Variants in CAMK4 observed in about 807,000 individuals in gnomAD.
The protein encoded by CAMK4 is calcium/calmodulin dependent protein kinase IV, also known as calcium/calmodulin-dependent protein kinase type IV.
A neutral mutation model predicts 44.9 loss-of-function variants in CAMK4; 22 were observed. That is an observed-to-expected ratio of 0.49 (90% CI 0.35 to 0.70). The LOEUF (loss-of-function observed/expected upper bound fraction) is 0.70. CAMK4 is among the 30% of genes least tolerant of loss of function. The pLI is 0.01. For missense variants in CAMK4, 498 were observed against 586.8 expected, an observed-to-expected ratio of 0.85 and a Z score of 1.56; for synonymous variants, 218 against 215.4, an observed-to-expected ratio of 1.01 and a Z score of -0.11.
chr5:111,382,064 T>C (rs1751436422), intron 4 of CAMK4, among the ~76,000 whole-genome samples: 1 of 152,146 alleles, frequency 6.6e-6, no homozygotes, highest in Non-Finnish European at 1.5e-5. Flanking sequence ...AGAAAATAAA[T>C]ATCTGTTTAT....
chr5:111,490,043 A>G lies in CAMK4; in HGVS notation c.*5577A>G, dbSNP rs1321734672. On this transcript the variant is annotated 3_prime_UTR_variant, in exon 11 of 11. Coordinates refer to ENST00000282356, the MANE Select transcript of CAMK4 (RefSeq NM_001744.6). ...CATTTTGAAGATTGACCTGGAAAAC[A>G]TATAGATACAGAATATATACATTTA... The G allele has an allele frequency of 6.6e-6, 1 of 152,262 alleles. No individual in the cohort carries two copies. Among genetic ancestry groups the G allele is most frequent in the Non-Finnish European group, 1.5e-5 (1 of 68,042 alleles). The allele number at this position is 152,262 out of a possible 1,614,324, so 9.4% of individuals were successfully genotyped here.
chr5:111,299,390 AT>A (rs1747626181), intron 1 of CAMK4, among the ~76,000 whole-genome samples: 1 of 152,164 alleles, frequency 6.6e-6, no homozygotes, highest in Non-Finnish European at 1.5e-5. Context: ...ACTCTCTGTG[AT>A]TCCTCGAGTG....
chr5:111,256,799 G>A (rs1749763238), intron 1 of CAMK4, among the ~76,000 whole-genome samples: 1 of 152,040 alleles, frequency 6.6e-6, no homozygotes. Context: ...ACTACCATGG[G>A]CACACTTGTA....
intron 9 of CAMK4, among the ~76,000 whole-genome samples, chr5:111,480,013 T>A (rs777558184): frequency 6.6e-6 from 1 of 151,984 alleles, no homozygotes; most frequent in Non-Finnish European, 1.5e-5. Context: ...TTTAAGAATC[T>A]TAGGATAAAA....
chr5:111,314,249 G>T (rs1241093736), intron 1 of CAMK4, among the ~76,000 whole-genome samples: 3 of 151,932 alleles, frequency 2.0e-5, no homozygotes, highest in Non-Finnish European at 4.4e-5. Context: ...TGGTGGTCTT[G>T]GAACTACTTA....
At chr5:111,426,740 C>G (rs749650935) in intron 5 of CAMK4, among the ~76,000 whole-genome samples, 5 of 152,190 alleles carry the variant, frequency 3.3e-5, no homozygotes, top group African/African-American at 4.8e-5. Flanking sequence ...CAGTGCTGTC[C>G]TGTTAGAGCA....
At chr5:111,466,930 T>C (rs1168525932) in intron 7 of CAMK4, among the ~76,000 whole-genome samples, 3 of 152,050 alleles carry the variant, frequency 2.0e-5, no homozygotes, top group South Asian at 4.1e-4. Flanking sequence ...CATCACATTA[T>C]CTGACTTTAT....
chr5:111,475,884 T>C (rs1053590613), intron 8 of CAMK4, among the ~76,000 whole-genome samples: 7 of 152,168 alleles, frequency 4.6e-5, no homozygotes, highest in African/African-American at 1.7e-4. Flanking sequence ...GACTATGACC[T>C]CTAACATCTC....
intron 1 of CAMK4, among the ~76,000 whole-genome samples, chr5:111,276,113 G>A (rs1750749337): frequency 2.0e-5 from 3 of 152,048 alleles, no homozygotes; most frequent in Admixed American, 2.0e-4. Context: ...CTTTTATTTA[G>A]GTTTGAGAAA....
intron 5 of CAMK4, among the ~76,000 whole-genome samples, chr5:111,435,457 A>C (rs572144264): frequency 6.6e-6 from 1 of 152,094 alleles, no homozygotes; most frequent in Non-Finnish European, 1.5e-5. Context: ...TCCTCATCCT[A>C]GTGAAAGAGC....
chr5:111,434,399 G>A (rs1266701875), intron 5 of CAMK4, among the ~76,000 whole-genome samples: 1 of 152,162 alleles, frequency 6.6e-6, no homozygotes, highest in Non-Finnish European at 1.5e-5. Context: ...TTGGAGGTAG[G>A]ATTATGACTG....
At chr5:111,285,954 G>C (rs539799923) in intron 1 of CAMK4, among the ~76,000 whole-genome samples, 103 of 152,314 alleles carry the variant, frequency 6.8e-4, no homozygotes, top group African/African-American at 2.3e-3. Flanking sequence ...TAGACTTGCT[G>C]TTAGTAGCAT....
At chr5:111,234,363 A>G (rs540125170) in intron 1 of CAMK4, among the ~76,000 whole-genome samples, 2 of 152,180 alleles carry the variant, frequency 1.3e-5, no homozygotes, top group Non-Finnish European at 2.9e-5. Context: ...ATTGTAACCA[A>G]AACAGTCACA....
intron 7 of CAMK4, chr5:111,449,502 T>A (rs1228045943): frequency 4.9e-5 from 10 of 202,788 alleles, no homozygotes; most frequent in Non-Finnish European, 9.8e-5. Flanking sequence ...ACACCATCGT[T>A]TATAGTTGGA....
Position 111,436,600 on chromosome 5 carries a change from G to A in CAMK4, c.460-10086G>A, listed in dbSNP as rs537287026. Among the ~76,000 whole-genome samples, 13 of 152,314 alleles carry A rather than the reference G, an allele frequency of 8.5e-5. No individual in the cohort carries two copies. The East Asian group carries it at 2.1e-3, about 25-fold the overall frequency. On this transcript the variant is annotated intron_variant, in intron 5 of 10. Transcript: ENST00000282356. The stretch of plus-strand genomic sequence containing the variant: ...ATAAACCTCAACTGCAGGGCCAGCA[G>A]CAACCTTGGCCATCTTCATTCTCAC...
rs188545937 is a variant in CAMK4 at position 111,290,863 on chromosome 5, G to A, written c.162-53161G>A. Among the ~76,000 whole-genome samples the A allele has an allele frequency of 2.2e-4, 33 of 152,256 alleles. 1 individual carries two copies. In the East Asian group the frequency reaches 5.6e-3, roughly 26 times the overall value. On this transcript the variant is annotated intron_variant, in intron 1 of 10. Coordinates refer to ENST00000282356, the MANE Select transcript of CAMK4 (RefSeq NM_001744.6). This position sits in a 1 kb window ranked among gnomAD's most constrained non-coding sequence, Gnocchi z 4.5. ...TTATTTAAAAGTGAATATGTAAAAC[G>A]TATGGAACCACATAAGCAGATTTGG...
intron 7 of CAMK4, among the ~76,000 whole-genome samples, chr5:111,464,878 G>A (rs1036036224): frequency 6.6e-6 from 1 of 152,156 alleles, no homozygotes; most frequent in Admixed American, 6.5e-5. Flanking sequence ...TATCTAATGG[G>A]TGATATAAAA....
intron 1 of CAMK4, among the ~76,000 whole-genome samples, chr5:111,297,103 G>A (rs754671098): frequency 2.0e-5 from 3 of 152,180 alleles, no homozygotes; most frequent in Non-Finnish European, 4.4e-5. Flanking sequence ...AAAAGCTTCA[G>A]ACACTTTTTA....
At chr5:111,230,739 C>G (rs530061095) in intron 1 of CAMK4, among the ~76,000 whole-genome samples, 5 of 152,160 alleles carry the variant, frequency 3.3e-5, no homozygotes, top group African/African-American at 1.2e-4. Flanking sequence ...CATTTAAGAA[C>G]AAAGTAGTGT....
Sources: allele counts gnomAD v4.1 joint callset (sites outside exome capture counted in the v4.1 genomes callset), GRCh38; gene constraint gnomAD v4.1.1; non-coding constraint Gnocchi (gnomAD v3.1); transcripts MANE v1.5; gene names NCBI Gene and HGNC (gene_info 2026-07-23, HGNC 2026-07-21).